The following ARHGEF3 variants were observed in gnomAD, a reference collection of about 807,000 sequenced individuals.
ARHGEF3 encodes 59.8 kDA protein.
In ARHGEF3, 28 loss-of-function variants were observed where a neutral mutation model predicts 63.2. The observed-to-expected ratio is 0.44, with a 90% CI of 0.33 to 0.61. The LOEUF (loss-of-function observed/expected upper bound fraction) is 0.61. Ranked by LOEUF, ARHGEF3 falls within the 20% of genes least tolerant of loss-of-function variation. The pLI, the probability that ARHGEF3 is intolerant of heterozygous loss-of-function variation, is 0.03. For synonymous variants in ARHGEF3, 266 were observed against 254.2 expected (o/e 1.05, Z -0.44); for missense variants, 533 against 659.3 (o/e 0.81, Z 2.10).
chr3:56,740,663 G>C (rs1212806803), intron 7 of ARHGEF3, among the ~76,000 whole-genome samples: 8 of 152,172 alleles, frequency 5.3e-5, no homozygotes, highest in African/African-American at 7.2e-5. Flanking sequence ...GAGCAACTGT[G>C]TTATGTCTAC....
At chr3:56,872,635 G>A (rs541873242) in intron 4 of ARHGEF3, among the ~76,000 whole-genome samples, 53 of 151,008 alleles carry the variant, frequency 3.5e-4, no homozygotes, top group East Asian at 2.9e-3. Context: ...TCAGCCTCCC[G>A]AGTATCTGGG....
At chr3:56,971,695 C>CA (rs1157880457) in intron 2 of ARHGEF3, among the ~76,000 whole-genome samples, 37 of 148,012 alleles carry the variant, frequency 2.5e-4, no homozygotes, top group South Asian at 1.7e-3. Context: ...ACTAAAAATA[C>CA]AAAAAAAAAA....
intron 2 of ARHGEF3, among the ~76,000 whole-genome samples, chr3:56,992,012 C>T (rs1701764609): frequency 7.0e-6 from 1 of 143,880 alleles, no homozygotes; most frequent in Admixed American, 7.4e-5. Flanking sequence ...CACTCTCTCT[C>T]CCCTCCTCTC....
At chr3:56,851,570 T>C (rs1398436561) in intron 4 of ARHGEF3, among the ~76,000 whole-genome samples, 4 of 151,462 alleles carry the variant, frequency 2.6e-5, no homozygotes, top group Non-Finnish European at 1.5e-5. Context: ...GTATTTTATG[T>C]AGAGAGGGGG....
chr3:56,771,483 T>A (rs2036001504), intron 2 of ARHGEF3, among the ~76,000 whole-genome samples: 1 of 152,126 alleles, frequency 6.6e-6, no homozygotes, highest in African/African-American at 2.4e-5. Flanking sequence ...ACAAAAAGCC[T>A]ACCAACTAGG....
chr3:57,003,724 G>A (rs1201074483), intron 2 of ARHGEF3, among the ~76,000 whole-genome samples: 11 of 152,190 alleles, frequency 7.2e-5, no homozygotes, highest in African/African-American at 2.7e-4. Context: ...TGACAGGGAA[G>A]CAAGAAGGTC....
intron 1 of ARHGEF3, chr3:57,073,478 T>C (rs1335621682): frequency 3.1e-6 from 2 of 637,960 alleles, no homozygotes; most frequent in Admixed American, 3.6e-5. Flanking sequence ...GAAGCAAAGA[T>C]GTGAACATGG....
At chr3:57,013,946 C>A (rs7374196) in intron 2 of ARHGEF3, among the ~76,000 whole-genome samples, 23 of 152,038 alleles carry the variant, frequency 1.5e-4, no homozygotes, top group Non-Finnish European at 3.1e-4. Context: ...TCAATTTCCA[C>A]TCTGGGGAAG....
intron 2 of ARHGEF3, among the ~76,000 whole-genome samples, chr3:56,969,247 A>T (rs866677825): frequency 8.8e-6 from 1 of 113,946 alleles, no homozygotes; most frequent in Non-Finnish European, 1.9e-5. Flanking sequence ...ACCCTATTCA[A>T]AACAATTCCA....
chr3:56,769,457 G>C (rs1034315082), intron 2 of ARHGEF3, among the ~76,000 whole-genome samples: 2 of 152,250 alleles, frequency 1.3e-5, no homozygotes, highest in Non-Finnish European at 1.5e-5. Flanking sequence ...AGCAGATAGA[G>C]AGCCATGCAG....
chr3:56,890,418 T>A (rs1201880418), intron 3 of ARHGEF3, among the ~76,000 whole-genome samples: 19 of 152,244 alleles, frequency 1.2e-4, no homozygotes, highest in African/African-American at 4.6e-4. Context: ...GCCAGACATA[T>A]GGCAAGAGAT....
intron 1 of ARHGEF3, among the ~76,000 whole-genome samples, chr3:56,800,170 G>A (rs1392701): frequency 0.43 from 65,801 of 152,112 alleles, 17,086 homozygotes; most frequent in Non-Finnish European, 0.56. Flanking sequence ...ATAGTAGGAA[G>A]GGACTGGTTA....
At chr3:57,069,552 T>A (rs1705766925) in intron 1 of ARHGEF3, among the ~76,000 whole-genome samples, 1 of 152,230 alleles carries the variant, frequency 6.6e-6, no homozygotes, top group Non-Finnish European at 1.5e-5. Context: ...CACTCCATTT[T>A]TTATTATTTC....
At chr3:56,982,898 T>C (rs1373884961) in intron 2 of ARHGEF3, among the ~76,000 whole-genome samples, 1 of 151,904 alleles carries the variant, frequency 6.6e-6, no homozygotes, top group Non-Finnish European at 1.5e-5. Context: ...AACCTGACCG[T>C]CACCCACCTG....
rs534658781 is a variant in ARHGEF3, at chr3:57,016,421, C to T, written c.62+18667G>A. The stretch of plus-strand genomic sequence containing the variant: ...AAAATTAGCTGGGCGTGATGGTGGG[C>T]GCCTATAATCTCAGCTACTCGGGAG... On this transcript the variant is annotated intron_variant, in intron 2 of 12. Coordinates refer to the ARHGEF3 transcript ENST00000338458. Among the ~76,000 whole-genome samples, 33 of 151,456 alleles carry T rather than the reference C, an allele frequency of 2.2e-4. No homozygotes were observed. The South Asian group carries it at 6.1e-3, about 28-fold the overall frequency.
intron 1 of ARHGEF3, among the ~76,000 whole-genome samples, chr3:57,040,394 T>C (rs547879836): frequency 7.9e-5 from 12 of 151,734 alleles, no homozygotes; most frequent in Non-Finnish European, 1.5e-4. Context: ...GGAGAATCAC[T>C]TGAACCCAGG....
At chr3:56,923,077 A>ATATATATAT (rs2042191813) in intron 3 of ARHGEF3, among the ~76,000 whole-genome samples, 4 of 98,330 alleles carry the variant, frequency 4.1e-5, no homozygotes, top group Admixed American at 3.6e-4. Flanking sequence ...TATATATATA[A>ATATATATAT]ATTAGTTGGG....
intron 1 of ARHGEF3, among the ~76,000 whole-genome samples, chr3:56,798,140 T>C (rs1245599103): frequency 6.6e-6 from 1 of 152,200 alleles, no homozygotes; most frequent in Non-Finnish European, 1.5e-5. Flanking sequence ...TCTAGGTGCA[T>C]GTCATTATTC....
chr3:56,751,449 C>T, intron 4 of ARHGEF3, 53 bp from the exon 5 acceptor site: 1 of 1,495,966 alleles, frequency 6.7e-7, no homozygotes, highest in South Asian at 1.1e-5. Context: ...AGAGGAAGTA[C>T]ATTGTTCATG....
Sources: gnomAD v4.1 joint callset for allele counts (sites outside exome capture counted in the v4.1 genomes callset) on GRCh38, gnomAD v4.1.1 for gene constraint, MANE v1.5 for transcripts, NCBI Gene and HGNC (gene_info 2026-07-23, HGNC 2026-07-21) for gene names.